The following IGFBP7 variants were observed in gnomAD, a reference collection of about 807,000 sequenced individuals.
IGFBP7 encodes the protein insulin like growth factor binding protein 7.
Under a neutral mutation model 29.4 loss-of-function variants are expected in IGFBP7, and 31 were observed. That is an observed-to-expected ratio of 1.05 (90% confidence interval 0.79 to 1.42). The LOEUF (loss-of-function observed/expected upper bound fraction) is 1.42, where lower values mean the gene tolerates loss of function less well. IGFBP7 is among the 40% of genes most tolerant of loss of function. The pLI, the probability that IGFBP7 is intolerant of heterozygous loss-of-function variation, is 0.00. For missense variants in IGFBP7, 393 were observed against 395.5 expected, an observed-to-expected ratio of 0.99 and a Z score of 0.05; for synonymous variants, 172 against 174.9, an observed-to-expected ratio of 0.98 and a Z score of 0.13.
At chr4:57,047,893 C>T (rs1724401159) in intron 1 of IGFBP7, among the ~76,000 whole-genome samples, 1 of 152,106 alleles carries the variant, frequency 6.6e-6, no homozygotes, top group Admixed American at 6.5e-5. Flanking sequence ...TGCCACCACG[C>T]CTGGCTAAAT....
At chr4:57,064,264 G>T (rs1483670361) in intron 1 of IGFBP7, among the ~76,000 whole-genome samples, 1 of 152,194 alleles carries the variant, frequency 6.6e-6, no homozygotes, top group East Asian at 1.9e-4. Flanking sequence ...TAAGGTGGTT[G>T]GATCCCTTCA....
chr4:57,063,895 A>C (rs1391638069), intron 1 of IGFBP7, among the ~76,000 whole-genome samples: 2 of 152,246 alleles, frequency 1.3e-5, no homozygotes, highest in Non-Finnish European at 2.9e-5. Flanking sequence ...AATTTCATTT[A>C]AAAACTTAGA....
At chr4:57,095,546 G>T (rs187142705) in intron 1 of IGFBP7, among the ~76,000 whole-genome samples, 1 of 152,140 alleles carries the variant, frequency 6.6e-6, no homozygotes, top group Non-Finnish European at 1.5e-5. Flanking sequence ...TCTCACAACC[G>T]CCTTGTGAGG....
At chr4:57,076,374 A>G (rs1346334350) in intron 1 of IGFBP7, among the ~76,000 whole-genome samples, 1 of 152,236 alleles carries the variant, frequency 6.6e-6, no homozygotes, top group Admixed American at 6.5e-5. Context: ...CAGGAATGCC[A>G]TGAAGCCTCT....
intron 2 of IGFBP7, among the ~76,000 whole-genome samples, chr4:57,034,426 A>G (rs989730955): frequency 1.3e-5 from 2 of 152,070 alleles, no homozygotes; most frequent in African/African-American, 4.8e-5. Flanking sequence ...CCTGACATTT[A>G]TTGATATTAC....
intron 1 of IGFBP7, among the ~76,000 whole-genome samples, chr4:57,095,205 T>A (rs149823228): frequency 4.2e-4 from 64 of 152,336 alleles, no homozygotes; most frequent in African/African-American, 1.5e-3. Context: ...TCAATGTTAA[T>A]GAATCGTAAT....
chr4:57,109,305 G>T (rs1261443863), intron 1 of IGFBP7, among the ~76,000 whole-genome samples: 1 of 152,104 alleles, frequency 6.6e-6, no homozygotes, highest in Non-Finnish European at 1.5e-5. Flanking sequence ...CAGGCGTGGT[G>T]GCACAGGCTT....
chr4:57,047,199 T>C (rs1195645445), intron 1 of IGFBP7, among the ~76,000 whole-genome samples: 1 of 152,208 alleles, frequency 6.6e-6, no homozygotes, highest in African/African-American at 2.4e-5. Flanking sequence ...AGGTTTTTCC[T>C]GTGCTGTTCT....
chr4:57,108,944 T>C (rs1244471448), intron 1 of IGFBP7, among the ~76,000 whole-genome samples: 1 of 152,090 alleles, frequency 6.6e-6, no homozygotes, highest in Non-Finnish European at 1.5e-5. Context: ...CAGTGTATCC[T>C]GGGGACAAAT....
chr4:57,110,167 A>G lies in IGFBP7; in HGVS notation c.185T>C (p.Met62Thr). 2.1e-6 allele frequency: 3 copies of G among 1,439,878 alleles called. No individual in the cohort carries two copies. Among genetic ancestry groups the G allele is most frequent in the South Asian group, 1.4e-5 (1 of 69,768 alleles). 89.2% of individuals were successfully genotyped at this position (1,439,878 alleles called of 1,614,324 possible). A position where few individuals can be genotyped will look rare whatever the true frequency, so the allele number is the denominator to read the frequency against. The change falls in exon 1 of 5, where the codon ATG (methionine) becomes ACG (threonine). Residue 62 changes from methionine to threonine, a missense_variant. Met to Thr is a moderately conservative substitution (Grantham distance 81). Coordinates refer to ENST00000295666, the MANE Select transcript of IGFBP7 (RefSeq NM_001553.3). ...ETRDACGCCP[M>T]CARGEGEPCG... ...CGGCTCGCCCTCGCCGCGGGCGCACATAGGGCAGCAGCCGCACGCGTCGCG... is the reference window on the plus strand; with the variant it reads ...CGGCTCGCCCTCGCCGCGGGCGCACGTAGGGCAGCAGCCGCACGCGTCGCG...
At chr4:57,042,098 G>A (rs113411428) in intron 1 of IGFBP7, among the ~76,000 whole-genome samples, 17 of 152,264 alleles carry the variant, frequency 1.1e-4, no homozygotes, top group African/African-American at 3.9e-4. Context: ...ACTGAGAGAG[G>A]CCAGAATGAT....
chr4:57,055,187 T>C (rs200386623), intron 1 of IGFBP7, among the ~76,000 whole-genome samples: 1 of 129,402 alleles, frequency 7.7e-6, no homozygotes, highest in South Asian at 2.2e-4. Flanking sequence ...CACCGGGTAC[T>C]GGCCTCTAGG....
chr4:57,033,974 C>T (rs1024995093), intron 2 of IGFBP7, among the ~76,000 whole-genome samples: 3 of 140,012 alleles, frequency 2.1e-5, no homozygotes, highest in Non-Finnish European at 3.0e-5. Context: ...TTGCTTGAAC[C>T]TGGAGGCGGA....
At chr4:57,034,690 T>C (rs1724040721) in intron 2 of IGFBP7, among the ~76,000 whole-genome samples, 1 of 152,202 alleles carries the variant, frequency 6.6e-6, no homozygotes, top group Non-Finnish European at 1.5e-5. Context: ...AAACCTACAC[T>C]GTATTTTCTC....
intron 1 of IGFBP7, among the ~76,000 whole-genome samples, chr4:57,056,917 T>C (rs1017865517): frequency 3.9e-5 from 6 of 152,248 alleles, no homozygotes; most frequent in Non-Finnish European, 8.8e-5. Context: ...TTTCTTTTTT[T>C]GAGTTTTGTT....
At chr4:57,056,083 C>A (rs11573086) in intron 1 of IGFBP7, among the ~76,000 whole-genome samples, 30,663 of 151,880 alleles carry the variant, frequency 0.2, 3,346 homozygotes, top group Middle Eastern at 0.31. Flanking sequence ...GTTAGCCAGC[C>A]GCGCATAACT....
chr4:57,031,533 A>G (rs898828635), intron 4 of IGFBP7, among the ~76,000 whole-genome samples, 197 bp from the exon 5 acceptor site: 16 of 152,200 alleles, frequency 1.1e-4, no homozygotes, highest in Non-Finnish European at 2.2e-4. Context: ...TATGAAAGGC[A>G]ATTTTGCTGT....
intron 1 of IGFBP7, among the ~76,000 whole-genome samples, chr4:57,076,506 C>T (rs907423279): frequency 3.3e-5 from 5 of 152,212 alleles, no homozygotes; most frequent in Non-Finnish European, 7.3e-5. Flanking sequence ...GCTAAGAAGC[C>T]AGCCATTTTG....
intron 1 of IGFBP7, among the ~76,000 whole-genome samples, chr4:57,072,268 G>A (rs1362724195): frequency 1.3e-5 from 2 of 152,056 alleles, no homozygotes; most frequent in Non-Finnish European, 2.9e-5. Context: ...CTGTTTCTAC[G>A]TTAGTTTGCT....
Sources: allele counts gnomAD v4.1 joint callset (sites outside exome capture counted in the v4.1 genomes callset), GRCh38; gene constraint gnomAD v4.1.1; transcripts MANE v1.5; gene names NCBI Gene and HGNC (gene_info 2026-07-23, HGNC 2026-07-21).